Variants in EXOC4 observed in about 807,000 individuals in gnomAD.
EXOC4 encodes the protein SEC8-like 1.
In EXOC4, 71 loss-of-function variants were observed where a neutral mutation model predicts 107.2. That is an observed-to-expected ratio of 0.66 (90% confidence interval 0.55 to 0.81). The LOEUF (loss-of-function observed/expected upper bound fraction) is 0.81. EXOC4 is among the 30% of genes least tolerant of loss of function. The probability of loss-of-function intolerance (pLI) is 0.00; values close to 1 mark genes in which losing one functional copy is unlikely to be tolerated. For missense variants in EXOC4, 1,108 were observed against 1,189.6 expected, an observed-to-expected ratio of 0.93 and a Z score of 1.01; for synonymous variants, 456 against 441.2, an observed-to-expected ratio of 1.03 and a Z score of -0.42.
intron 11 of EXOC4, among the ~76,000 whole-genome samples, chr7:133,850,128 T>C (rs902716902): frequency 2.6e-5 from 4 of 152,250 alleles, no homozygotes; most frequent in Non-Finnish European, 4.4e-5. Flanking sequence ...TCCTGTGATA[T>C]GTAGATTATT....
intron 10 of EXOC4, among the ~76,000 whole-genome samples, chr7:133,634,759 G>A (rs966610116): frequency 2.0e-5 from 3 of 152,130 alleles, no homozygotes; most frequent in Non-Finnish European, 2.9e-5. Context: ...TGAGATTACA[G>A]GTGTGAGCCA....
At chr7:133,417,874 T>C (rs1186257264) in intron 7 of EXOC4, among the ~76,000 whole-genome samples, 1 of 152,210 alleles carries the variant, frequency 6.6e-6, no homozygotes, top group East Asian at 1.9e-4. Context: ...ATTAGAATTC[T>C]TTATAGATTT....
At chr7:133,600,769 T>C (rs1232451321) in intron 9 of EXOC4, among the ~76,000 whole-genome samples, 1 of 152,220 alleles carries the variant, frequency 6.6e-6, no homozygotes, top group Admixed American at 6.5e-5. Flanking sequence ...GACAGATATG[T>C]ATCTATGTCT....
intron 10 of EXOC4, among the ~76,000 whole-genome samples, chr7:133,761,551 T>G (rs1206588544): frequency 1.3e-5 from 2 of 152,200 alleles, no homozygotes; most frequent in Non-Finnish European, 2.9e-5. Flanking sequence ...AGTGAACTGA[T>G]GCGTTGGCTG....
the EXOC4 span, among the ~76,000 whole-genome samples, chr7:134,075,423 C>G: frequency 6.6e-6 from 1 of 152,150 alleles, no homozygotes; most frequent in Non-Finnish European, 1.5e-5. Flanking sequence ...AATGGACTCA[C>G]AGTTCCGCAT....
chr7:133,848,738 T>C (rs1798184267), intron 11 of EXOC4, among the ~76,000 whole-genome samples: 1 of 152,154 alleles, frequency 6.6e-6, no homozygotes, highest in African/African-American at 2.4e-5. Context: ...TTCTAAATTT[T>C]AATATCAGTT....
At chr7:133,971,589 A>G (rs1250429294) in intron 14 of EXOC4, among the ~76,000 whole-genome samples, 1 of 151,906 alleles carries the variant, frequency 6.6e-6, no homozygotes, top group African/African-American at 2.4e-5. Context: ...ATGTTTGCAG[A>G]AACTAATGGA....
intron 13 of EXOC4, among the ~76,000 whole-genome samples, chr7:133,935,186 G>A (rs543593093): frequency 1.6e-4 from 25 of 151,990 alleles, no homozygotes; most frequent in South Asian, 4.2e-4. Context: ...AAGGTCACCC[G>A]ATGTTTGAGA....
At chr7:133,498,131 C>T (rs1205892121) in intron 9 of EXOC4, among the ~76,000 whole-genome samples, 2 of 152,102 alleles carry the variant, frequency 1.3e-5, no homozygotes, top group Admixed American at 6.6e-5. Context: ...CACTCCCAAG[C>T]CCGCTTTTCT....
intron 11 of EXOC4, among the ~76,000 whole-genome samples, chr7:133,888,026 G>C (rs902425041): frequency 2.6e-5 from 4 of 152,166 alleles, no homozygotes; most frequent in Middle Eastern, 3.4e-3. Flanking sequence ...CTGTAATTTG[G>C]CTTCCTATGA....
chr7:133,556,066 C>G (rs1285479419), intron 9 of EXOC4, among the ~76,000 whole-genome samples: 2 of 152,148 alleles, frequency 1.3e-5, no homozygotes, highest in African/African-American at 4.8e-5. Flanking sequence ...ATCACTAAAC[C>G]TGTTCTCTCC....
Position 133,689,722 on chromosome 7 carries a change from A to T in EXOC4, c.1514+59581A>T, listed in dbSNP as rs1190200062. Reference sequence around the variant, plus strand: ...ATTGTTGCTAAAACTGGACTGAAGGAGCCAAGGACAGAACCCAAGGTCAGG... The same window carrying T: ...ATTGTTGCTAAAACTGGACTGAAGGTGCCAAGGACAGAACCCAAGGTCAGG... On this transcript the variant is annotated intron_variant, in intron 10 of 17. Coordinates refer to ENST00000253861, the MANE Select transcript of EXOC4 (RefSeq NM_021807.4). 2.0e-5 allele frequency among the ~76,000 whole-genome samples: 3 copies of T among 152,210 alleles called. No individual in the cohort carries two copies. In the East Asian group the frequency reaches 5.8e-4, roughly 29 times the overall value.
intron 10 of EXOC4, among the ~76,000 whole-genome samples, chr7:133,772,963 C>A (rs1012976779): frequency 6.6e-6 from 1 of 151,966 alleles, no homozygotes; most frequent in Non-Finnish European, 1.5e-5. Flanking sequence ...TAATATGTAC[C>A]TCATAGAATT....
intron 7 of EXOC4, among the ~76,000 whole-genome samples, chr7:133,404,248 C>A (rs1351637343): frequency 6.6e-6 from 1 of 152,080 alleles, no homozygotes; most frequent in East Asian, 1.9e-4. Context: ...TACAGGCGCC[C>A]GCCACTACGC....
chr7:133,676,538 T>C (rs2151063262), intron 10 of EXOC4, among the ~76,000 whole-genome samples: 1 of 152,290 alleles, frequency 6.6e-6, no homozygotes, highest in South Asian at 2.1e-4. Flanking sequence ...CTTGTCTCTT[T>C]TCATGTGTAG....
chr7:133,504,140 C>G (rs747219083), intron 9 of EXOC4, among the ~76,000 whole-genome samples: 1 of 151,974 alleles, frequency 6.6e-6, no homozygotes, highest in African/African-American at 2.4e-5. Flanking sequence ...AAATGATATC[C>G]TTTTGTAATA....
chr7:133,900,554 A>C (rs993504314), intron 12 of EXOC4, among the ~76,000 whole-genome samples: 3 of 152,152 alleles, frequency 2.0e-5, no homozygotes, highest in African/African-American at 7.2e-5. Context: ...AGTGGGTGTT[A>C]AGCATGGAGT....
chr7:133,470,270 A>G (rs888807457), intron 7 of EXOC4, among the ~76,000 whole-genome samples: 1 of 152,252 alleles, frequency 6.6e-6, no homozygotes, highest in South Asian at 2.1e-4. Flanking sequence ...ACAAACAGTT[A>G]TAGGCAAAAG....
chr7:133,858,779 A>C (rs1333841728), intron 11 of EXOC4, among the ~76,000 whole-genome samples: 3 of 152,028 alleles, frequency 2.0e-5, no homozygotes, highest in African/African-American at 7.2e-5. Flanking sequence ...TTAATCCAAA[A>C]CCTATAGAAT....
Sources: gnomAD v4.1 joint callset for allele counts (sites outside exome capture counted in the v4.1 genomes callset) on GRCh38, gnomAD v4.1.1 for gene constraint, MANE v1.5 for transcripts, NCBI Gene and HGNC (gene_info 2026-07-23, HGNC 2026-07-21) for gene names.